PDCD11: variants seen among roughly 807,000 people sequenced by gnomAD.
PDCD11 encodes programmed cell death 11, also known as protein RRP5 homolog.
Under a neutral mutation model 198.9 loss-of-function variants are expected in PDCD11, and 97 were observed. That is an observed-to-expected ratio of 0.49 (90% CI 0.41 to 0.58). The LOEUF is 0.58. Among genes scored for constraint, PDCD11 ranks in the 20% least tolerant of loss-of-function variants. The pLI is 0.00. For missense variants in PDCD11, 2,102 were observed against 2,312.7 expected (o/e 0.91, Z 1.87); for synonymous variants, 893 against 918.0 (o/e 0.97, Z 0.49).
chr10:103,414,586 TTAG>T (rs2030995768), intron 11 of PDCD11, among the ~76,000 whole-genome samples: 1 of 152,206 alleles, frequency 6.6e-6, no homozygotes. Context: ...TTGATGGTGG[TTAG>T]TAGACCTGAT....
chr10:103,417,999 A>T, intron 14 of PDCD11, 67 bp downstream of exon 14: 8 of 1,559,696 alleles, frequency 5.1e-6, no homozygotes, highest in Non-Finnish European at 7.0e-6. Flanking sequence ...CCACTAACAC[A>T]TGGCATATTG....
chr10:103,408,161 C>T (rs564287443), intron 7 of PDCD11, among the ~76,000 whole-genome samples: 3 of 152,224 alleles, frequency 2.0e-5, no homozygotes, highest in Non-Finnish European at 4.4e-5. Context: ...TGTTTTCAAA[C>T]CCTTTAAGTA....
chr10:103,425,555 C>T (rs371530203), intron 20 of PDCD11, 30 bp downstream of exon 20: 47 of 1,576,542 alleles, frequency 3.0e-5, no homozygotes, highest in South Asian at 8.1e-5. Context: ...GGGCTGGCTT[C>T]GAGGGAGATT....
chr10:103,444,012 C>T lies in PDCD11; in HGVS notation c.5222C>T (p.Ala1741Val), dbSNP rs149128563. Residue 1741 changes from alanine (A) to valine (V), a missense_variant, in exon 34 of 36, where the codon GCT becomes GTT. By Grantham distance (64) the Ala-to-Val change is moderately conservative. Coordinates refer to ENST00000369797, the MANE Select transcript of PDCD11 (RefSeq NM_014976.2). ...GCCTTCCTTCTGCGGAGGAGCCAGG[C>T]TGCAGCCAGTCACCGCGTGCTGCAG... ...YGAFLLRRSQ[A>V]AASHRVLQRA... The T allele has an allele frequency of 7.7e-4, 1,242 of 1,613,210 alleles. No homozygotes were observed. The highest frequency in any genetic ancestry group is 9.8e-4 in the Non-Finnish European group (1,153 of 1,180,026).
rs1465060495 is a variant in PDCD11, at chr10:103,445,472, A to G, written c.5539A>G (p.Thr1847Ala). ...CCTGGACTACGAGAAGCAGCATGGC[A>G]CTGAGAAGGATGTGCAGGCAGTCAA... ...RYLDYEKQHG[T>A]EKDVQAVKAK... The change falls in exon 36 of 36, where the codon ACT becomes GCT. Residue 1847 changes from threonine (T) to alanine (A), a missense_variant. Coordinates refer to ENST00000369797, the MANE Select transcript of PDCD11 (RefSeq NM_014976.2). 3 of 1,614,196 alleles carry G rather than the reference A, an allele frequency of 1.9e-6. No individual in the cohort carries two copies. Among genetic ancestry groups the G allele is most frequent in the Non-Finnish European group, 2.5e-6 (3 of 1,180,024 alleles).
chr10:103,435,234 CAT>C (rs2032103642), intron 25 of PDCD11, among the ~76,000 whole-genome samples: 2 of 151,752 alleles, frequency 1.3e-5, no homozygotes, highest in South Asian at 4.2e-4. Context: ...GTTTTTTTCT[CAT>C]AGTTTATCAT....
Position 103,432,117 on chromosome 10 carries a change from T to C in PDCD11, c.3369-12T>C, listed in dbSNP as rs1190195018. The C allele has an allele frequency of 1.3e-6, 2 of 1,593,654 alleles. No individual in the cohort carries two copies. The highest frequency in any genetic ancestry group is 2.7e-5 in the African/African-American group (2 of 74,630). ...GATGGGTTTACTGTTTACATTTCCT[T>C]TCTGCAAACAGTGAGCTGGAGGATG... On this transcript the variant is annotated splice_polypyrimidine_tract_variant and intron_variant, in intron 21 of 35. Coordinates refer to ENST00000369797, the MANE Select transcript of PDCD11 (RefSeq NM_014976.2).
At position 103,445,481 on chromosome 10, in the gene PDCD11, G is replaced by A. The variant is rs1480200937; in HGVS notation, c.5548G>A (p.Asp1850Asn). ...DYEKQHGTEK[D>N]VQAVKAKALE... ...CGAGAAGCAGCATGGCACTGAGAAG[G>A]ATGTGCAGGCAGTCAAGGCCAAGGC... Residue 1850 changes from aspartate to asparagine, a missense_variant, in exon 36 of 36, where the codon GAT becomes AAT. Transcript: ENST00000369797. The A allele has an allele frequency of 6.2e-7, 1 of 1,614,198 alleles. No individual in the cohort carries two copies. Among genetic ancestry groups the A allele is most frequent in the Non-Finnish European group, 8.5e-7 (1 of 1,180,028 alleles).
intron 15 of PDCD11, 46 bp from the exon 16 acceptor site, chr10:103,419,492 A>G (rs1237010965): frequency 6.3e-7 from 1 of 1,582,002 alleles, no homozygotes; most frequent in Non-Finnish European, 8.6e-7. Context: ...AGAGATGGAC[A>G]TTTCATCTGC....
chr10:103,426,986 A>G (rs1463671680), intron 20 of PDCD11, among the ~76,000 whole-genome samples: 1 of 151,880 alleles, frequency 6.6e-6, no homozygotes, highest in African/African-American at 2.4e-5. Flanking sequence ...GCATACACCT[A>G]TAGTCCCAGC....
intron 8 of PDCD11, among the ~76,000 whole-genome samples, 167 bp from the exon 9 acceptor site, chr10:103,412,949 T>C (rs776950492): frequency 5.9e-5 from 9 of 152,206 alleles, no homozygotes; most frequent in Non-Finnish European, 1.2e-4. Flanking sequence ...CATTTTGATT[T>C]TTCTGCATTC....
In PDCD11 at chr10:103,405,189, T is replaced by C; in HGVS notation, c.564+6T>C. ...AGGCCCTGAAGCCTGGCATGGTAGG[T>C]GTCTAGGGTCGGGGAGGAAGAGTGG... On this transcript the variant is annotated splice_donor_region_variant and intron_variant, in intron 5 of 35. Transcript: ENST00000369797. 6.2e-7 allele frequency: 1 copy of C among 1,612,686 alleles called. No individual in the cohort carries two copies. Among genetic ancestry groups the C allele is most frequent in the Non-Finnish European group, 8.5e-7 (1 of 1,179,704 alleles).
At chr10:103,429,041 T>A (rs539117946) in intron 21 of PDCD11, among the ~76,000 whole-genome samples, 2 of 152,376 alleles carry the variant, frequency 1.3e-5, no homozygotes, top group South Asian at 2.1e-4. Flanking sequence ...TGAAAAACAT[T>A]TAACTGACAG....
At chr10:103,442,106 G>A in intron 31 of PDCD11, 107 bp from the exon 32 acceptor site, 3 of 1,542,554 alleles carry the variant, frequency 1.9e-6, no homozygotes, top group Non-Finnish European at 2.7e-6. Context: ...AGGCCAGGGG[G>A]TATATATAGA....
Position 103,425,148 on chromosome 10 carries a change from C to CT in PDCD11, c.2929dup (p.Ser977PhefsTer35), listed in dbSNP as rs1447391313. 1 of 1,614,046 alleles carries CT rather than the reference C, an allele frequency of 6.2e-7. No individual in the cohort carries two copies. The highest frequency in any genetic ancestry group is 8.5e-7 in the Non-Finnish European group (1 of 1,180,038). ...AGAAATTGCAGGTGGGACAGGGTGT[C>CT]TCCCTAACCCTCAAGACCACAGAAC... On this transcript the variant is annotated frameshift_variant, in exon 20 of 36. Transcript: ENST00000369797. LOFTEE classifies it high-confidence loss of function.
chr10:103,409,840 C>T (rs775308274), intron 8 of PDCD11, 34 bp downstream of exon 8: 25 of 1,500,370 alleles, frequency 1.7e-5, no homozygotes, highest in Non-Finnish European at 2.3e-5. Flanking sequence ...TTCTTGATTC[C>T]AGTTGTGGTC....
At chr10:103,434,410 G>A in intron 24 of PDCD11, 60 bp downstream of exon 24, 6 of 1,085,550 alleles carry the variant, frequency 5.5e-6, no homozygotes, top group Non-Finnish European at 7.1e-6. Context: ...GGTGGGATGG[G>A]TTTTCAGCTA....
At chr10:103,402,281 G>GTGTC (rs2030144160) in intron 3 of PDCD11, among the ~76,000 whole-genome samples, 1 of 152,110 alleles carries the variant, frequency 6.6e-6, no homozygotes, top group African/African-American at 2.4e-5. Context: ...AATGTAAAAG[G>GTGTC]CAAAGGTGTC....
At chr10:103,444,098 A>G (rs1465539076) in intron 34 of PDCD11, 30 bp downstream of exon 34, 6 of 1,598,764 alleles carry the variant, frequency 3.8e-6, no homozygotes, top group East Asian at 2.2e-5. Context: ...TCCTGAGCCC[A>G]TGAGCACTCC....
Sources: allele counts gnomAD v4.1 joint callset (sites outside exome capture counted in the v4.1 genomes callset), GRCh38; gene constraint gnomAD v4.1.1; transcripts MANE v1.5; gene names NCBI Gene and HGNC (gene_info 2026-07-23, HGNC 2026-07-21).